TMEM132D: variants seen among roughly 807,000 people sequenced by gnomAD.
TMEM132D encodes transmembrane protein 132D, also known as mature OL transmembrane protein.
In TMEM132D, 21 loss-of-function variants were observed where a neutral mutation model predicts 62.3. That is an observed-to-expected ratio of 0.34 (90% CI 0.24 to 0.49). The LOEUF is 0.49. TMEM132D is among the 20% of genes least tolerant of loss of function. The probability of loss-of-function intolerance (pLI) is 0.99; values close to 1 mark genes in which losing one functional copy is unlikely to be tolerated. For synonymous variants in TMEM132D, 621 were observed against 575.6 expected, an observed-to-expected ratio of 1.08 and a Z score of -1.13; for missense variants, 1,346 against 1,402.8, an observed-to-expected ratio of 0.96 and a Z score of 0.65.
At chr12:129,442,215 G>A (rs1192790074) in intron 3 of TMEM132D, among the ~76,000 whole-genome samples, 1 of 152,218 alleles carries the variant, frequency 6.6e-6, no homozygotes, top group Non-Finnish European at 1.5e-5. Flanking sequence ...GTGGGCAATG[G>A]AGCCTGAGAA....
rs140720205 is a variant in TMEM132D, at chr12:129,720,758, C to T, written c.80-20060G>A. 6.1e-4 allele frequency among the ~76,000 whole-genome samples: 93 copies of T among 152,194 alleles called. No individual in the cohort carries two copies. The East Asian group carries it at 0.014, about 23-fold the overall frequency. On this transcript the variant is annotated intron_variant, in intron 1 of 8. Coordinates refer to ENST00000422113, the MANE Select transcript of TMEM132D (RefSeq NM_133448.3). ...GCTTAACAAAGCACTGTGATGCTTT[C>T]TCACTTCTAGATCTGGGATTCCACA...
chr12:129,802,827 T>C (rs1340193447), intron 1 of TMEM132D, among the ~76,000 whole-genome samples: 1 of 150,626 alleles, frequency 6.6e-6, no homozygotes, highest in Non-Finnish European at 1.5e-5. Flanking sequence ...AGGCTCAAAA[T>C]AAAAGGATGG....
chr12:129,678,552 A>G (rs895155906), intron 2 of TMEM132D, among the ~76,000 whole-genome samples: 3 of 152,086 alleles, frequency 2.0e-5, no homozygotes, highest in Admixed American at 6.5e-5. Flanking sequence ...TACATACTGC[A>G]TTCTAATTGT....
intron 1 of TMEM132D, among the ~76,000 whole-genome samples, chr12:129,796,550 A>C (rs980331865): frequency 2.0e-5 from 3 of 151,978 alleles, no homozygotes; most frequent in Admixed American, 2.0e-4. Flanking sequence ...GGCAGCCACA[A>C]AAAAAAGAAA....
chr12:129,232,689 G>A (rs564324270), intron 4 of TMEM132D, among the ~76,000 whole-genome samples: 31 of 152,118 alleles, frequency 2.0e-4, no homozygotes, highest in Middle Eastern at 3.2e-3. Flanking sequence ...GATACTACCC[G>A]AAACTGGGTA....
intron 3 of TMEM132D, among the ~76,000 whole-genome samples, chr12:129,471,631 C>T (rs1220400489): frequency 6.6e-6 from 1 of 152,184 alleles, no homozygotes; most frequent in African/African-American, 2.4e-5. Flanking sequence ...TAAATCAAAA[C>T]TAGAAATGAT....
chr12:129,537,798 G>A (rs1019837010), intron 2 of TMEM132D, among the ~76,000 whole-genome samples: 2 of 152,206 alleles, frequency 1.3e-5, no homozygotes, highest in African/African-American at 4.8e-5. Context: ...CGGAAGCATG[G>A]GGGTGTGGCC....
chr12:129,518,054 T>A (rs1038543866), intron 3 of TMEM132D, among the ~76,000 whole-genome samples: 2 of 152,178 alleles, frequency 1.3e-5, no homozygotes, highest in Admixed American at 1.3e-4. Flanking sequence ...AACTACAAGA[T>A]CATCACAAGG....
At chr12:129,266,467 C>T (rs796701612) in intron 4 of TMEM132D, among the ~76,000 whole-genome samples, 1 of 151,370 alleles carries the variant, frequency 6.6e-6, no homozygotes, top group African/African-American at 2.4e-5. Flanking sequence ...TCCACTTCCC[C>T]TCCTCTTCGC....
intron 6 of TMEM132D, among the ~76,000 whole-genome samples, chr12:129,082,414 TCTTG>T (rs1874484167): frequency 6.6e-6 from 1 of 152,178 alleles, no homozygotes; most frequent in Non-Finnish European, 1.5e-5. Flanking sequence ...GTGACTTCTG[TCTTG>T]CTTGTGTTTT....
chr12:129,434,274 A>C (rs1451188749), intron 3 of TMEM132D, among the ~76,000 whole-genome samples: 2 of 152,236 alleles, frequency 1.3e-5, no homozygotes, highest in Non-Finnish European at 2.9e-5. Context: ...CTGCTTTAAT[A>C]GTGTACAAGA....
chr12:129,176,416 C>G (rs1877907873), intron 5 of TMEM132D, among the ~76,000 whole-genome samples: 1 of 152,218 alleles, frequency 6.6e-6, no homozygotes, highest in Non-Finnish European at 1.5e-5. Flanking sequence ...GATGTAGCCA[C>G]CATTGGGTTG....
intron 3 of TMEM132D, among the ~76,000 whole-genome samples, chr12:129,504,461 T>C (rs149046304): frequency 6.6e-6 from 1 of 152,314 alleles, no homozygotes; most frequent in Non-Finnish European, 1.5e-5. Flanking sequence ...TTCTTCCTGA[T>C]TTAAGCTGGG....
At chr12:129,143,603 C>T (rs1018616823) in intron 5 of TMEM132D, among the ~76,000 whole-genome samples, 4 of 152,084 alleles carry the variant, frequency 2.6e-5, no homozygotes, top group Non-Finnish European at 4.4e-5. Context: ...AACATTAAAA[C>T]GAAAGACTGT....
chr12:129,536,798 C>T (rs2137093882), intron 2 of TMEM132D, among the ~76,000 whole-genome samples: 1 of 152,280 alleles, frequency 6.6e-6, no homozygotes, highest in African/African-American at 2.4e-5. Flanking sequence ...AAGAGCTAAG[C>T]CTAAAGTAAC....
intron 3 of TMEM132D, among the ~76,000 whole-genome samples, chr12:129,454,101 C>T (rs2135728371): frequency 6.6e-6 from 1 of 152,314 alleles, no homozygotes; most frequent in South Asian, 2.1e-4. Context: ...TATCCTTCTG[C>T]CCAGAATTTA....
At chr12:129,288,480 T>C (rs1158019068) in intron 4 of TMEM132D, among the ~76,000 whole-genome samples, 1 of 152,148 alleles carries the variant, frequency 6.6e-6, no homozygotes, top group African/African-American at 2.4e-5. Flanking sequence ...GACATACAAA[T>C]GGCCAATAGG....
At chr12:129,398,169 AG>A (rs1274786638) in intron 3 of TMEM132D, among the ~76,000 whole-genome samples, 1 of 152,240 alleles carries the variant, frequency 6.6e-6, no homozygotes, top group Non-Finnish European at 1.5e-5. Flanking sequence ...AGTAAGAGAA[AG>A]CACAACATAT....
At chr12:129,451,616 G>A (rs796094488) in intron 3 of TMEM132D, among the ~76,000 whole-genome samples, 3 of 152,170 alleles carry the variant, frequency 2.0e-5, no homozygotes, top group Non-Finnish European at 4.4e-5. Context: ...GAGGTAAAGT[G>A]GATTTATTAA....
Sources: allele counts gnomAD v4.1 joint callset (sites outside exome capture counted in the v4.1 genomes callset), GRCh38; gene constraint gnomAD v4.1.1; transcripts MANE v1.5; gene names NCBI Gene and HGNC (gene_info 2026-07-23, HGNC 2026-07-21).